CSMD3: variants seen among roughly 807,000 people sequenced by gnomAD.
CSMD3 encodes the protein CUB and Sushi multiple domains 3, also known as CUB and sushi domain-containing protein 3.
A neutral mutation model predicts 435.2 loss-of-function variants in CSMD3; 177 were observed. The ratio of observed to expected loss-of-function variants is 0.41; its 90% CI spans 0.36 to 0.46. The LOEUF is 0.46. Ranked by LOEUF, CSMD3 falls within the 20% of genes least tolerant of loss-of-function variation. The pLI, the probability that CSMD3 is intolerant of heterozygous loss-of-function variation, is 0.34. For missense variants in CSMD3, 4,265 were observed against 4,504.6 expected, an observed-to-expected ratio of 0.95 and a Z score of 1.52; for synonymous variants, 1,656 against 1,520.5, an observed-to-expected ratio of 1.09 and a Z score of -2.07.
At chr8:113,335,667 G>A (rs1289346812) in intron 1 of CSMD3, among the ~76,000 whole-genome samples, 4 of 141,156 alleles carry the variant, frequency 2.8e-5, no homozygotes. Flanking sequence ...CATCCTGTTG[G>A]ATATTACAAT....
chr8:112,405,540 T>C (rs1231408888), intron 35 of CSMD3, among the ~76,000 whole-genome samples: 3 of 151,568 alleles, frequency 2.0e-5, no homozygotes, highest in South Asian at 2.1e-4. Flanking sequence ...TATTAAGATA[T>C]CCATAATTTT....
intron 3 of CSMD3, among the ~76,000 whole-genome samples, chr8:113,276,597 T>C (rs539701838): frequency 1.8e-4 from 28 of 152,108 alleles, no homozygotes; most frequent in African/African-American, 6.5e-4. Flanking sequence ...CCCAAAACCT[T>C]TGGATACAAA....
chr8:113,409,572 A>T (rs2094548902), intron 1 of CSMD3, among the ~76,000 whole-genome samples: 1 of 152,138 alleles, frequency 6.6e-6, no homozygotes, highest in South Asian at 2.1e-4. Context: ...ATGTAAATAG[A>T]TTTATTTTAA....
At chr8:113,243,001 G>C (rs2093236069) in intron 3 of CSMD3, among the ~76,000 whole-genome samples, 1 of 151,892 alleles carries the variant, frequency 6.6e-6, no homozygotes, top group African/African-American at 2.4e-5. Flanking sequence ...ATAAATAAAA[G>C]AGAAATTGGT....
intron 22 of CSMD3, among the ~76,000 whole-genome samples, chr8:112,601,815 T>G (rs2131419973): frequency 6.6e-6 from 1 of 152,316 alleles, no homozygotes; most frequent in Non-Finnish European, 1.5e-5. Context: ...CCCTTCTAAT[T>G]TCATAACTGC....
chr8:112,649,899 T>C (rs1460770326), intron 19 of CSMD3, among the ~76,000 whole-genome samples: 3 of 152,168 alleles, frequency 2.0e-5, no homozygotes, highest in African/African-American at 7.2e-5. Flanking sequence ...GTTCTTAAAA[T>C]AGTTACACAG....
intron 17 of CSMD3, among the ~76,000 whole-genome samples, chr8:112,659,899 A>T (rs2075340121): frequency 6.6e-6 from 1 of 152,188 alleles, no homozygotes; most frequent in South Asian, 2.1e-4. Context: ...AAATAATATT[A>T]CTTTCTGTAG....
chr8:112,259,874 G>T (rs1816214779), intron 61 of CSMD3, among the ~76,000 whole-genome samples: 1 of 152,080 alleles, frequency 6.6e-6, no homozygotes, highest in Admixed American at 6.6e-5. Context: ...TGAAGCAATT[G>T]TTTCTATAAC....
rs191601989 is a variant in CSMD3, at chr8:112,366,754, T to A, written c.6136+13598A>T. The stretch of plus-strand genomic sequence containing the variant: ...CTTTTGACTTCCTTTTCTTTTGTAA[T>A]CTTAAAAAACTCTTTACAGGGCACT... On this transcript the variant is annotated intron_variant, in intron 38 of 70. Transcript: ENST00000297405. 7.2e-4 allele frequency among the ~76,000 whole-genome samples: 109 copies of A among 152,180 alleles called. 1 individual carries two copies. In the East Asian group the frequency reaches 0.019, roughly 26 times the overall value.
intron 12 of CSMD3, among the ~76,000 whole-genome samples, chr8:112,819,372 T>G (rs231283): frequency 0.29 from 44,388 of 152,048 alleles, 6,748 homozygotes; most frequent in Non-Finnish European, 0.32. Flanking sequence ...ACTTTCCAAT[T>G]CCTCCACATT....
At chr8:113,167,155 T>C (rs2131857617) in intron 4 of CSMD3, among the ~76,000 whole-genome samples, 1 of 152,212 alleles carries the variant, frequency 6.6e-6, no homozygotes, top group Non-Finnish European at 1.5e-5. Context: ...CCACTATTTC[T>C]GAACCCAGGC....
At chr8:113,191,563 CA>C (rs144305550) in intron 3 of CSMD3, among the ~76,000 whole-genome samples, 13 of 141,666 alleles carry the variant, frequency 9.2e-5, no homozygotes, top group East Asian at 2.1e-4. Flanking sequence ...ATGTTGTTGC[CA>C]AAAAAAAAAC....
intron 32 of CSMD3, among the ~76,000 whole-genome samples, chr8:112,445,790 A>G (rs767763427): frequency 1.3e-5 from 2 of 152,198 alleles, no homozygotes; most frequent in African/African-American, 2.4e-5. Context: ...CTTTAACAGG[A>G]TACAATTTTT....
chr8:113,330,610 A>G (rs1216081098), intron 1 of CSMD3, among the ~76,000 whole-genome samples: 1 of 151,940 alleles, frequency 6.6e-6, no homozygotes, highest in Non-Finnish European at 1.5e-5. Context: ...AAAATATATA[A>G]TATGGAAGCA....
At chr8:113,255,226 T>C (rs2093369478) in intron 3 of CSMD3, among the ~76,000 whole-genome samples, 1 of 152,140 alleles carries the variant, frequency 6.6e-6, no homozygotes, top group African/African-American at 2.4e-5. Context: ...ATTGAAAAAG[T>C]AAAACTAGAC....
At chr8:112,492,725 C>G (rs1199173299) in intron 30 of CSMD3, 42 bp from the exon 31 acceptor site, 2 of 1,478,970 alleles carry the variant, frequency 1.4e-6, no homozygotes, top group Non-Finnish European at 1.9e-6. Flanking sequence ...CTTTAAAATA[C>G]AGTTGGCACT....
intron 31 of CSMD3, 43 bp from the exon 32 acceptor site, chr8:112,472,750 T>A (rs1479800367): frequency 9.7e-7 from 1 of 1,029,068 alleles, no homozygotes. Flanking sequence ...AAAAAAGTTT[T>A]AAAAAATTCA....
At chr8:113,049,236 C>G (rs1036413376) in intron 5 of CSMD3, among the ~76,000 whole-genome samples, 1 of 152,018 alleles carries the variant, frequency 6.6e-6, no homozygotes, top group Non-Finnish European at 1.5e-5. Context: ...GAAAATCTGT[C>G]TCAAAAAGAG....
chr8:113,191,849 G>A (rs559198779), intron 3 of CSMD3, among the ~76,000 whole-genome samples: 14 of 151,746 alleles, frequency 9.2e-5, no homozygotes, highest in Non-Finnish European at 1.6e-4. Context: ...CACAGTGGCT[G>A]AGCTAGTTTG....
Sources: gnomAD v4.1 joint callset for allele counts (sites outside exome capture counted in the v4.1 genomes callset) on GRCh38, gnomAD v4.1.1 for gene constraint, MANE v1.5 for transcripts, NCBI Gene and HGNC (gene_info 2026-07-23, HGNC 2026-07-21) for gene names.